RPS6KC1: variants seen among roughly 807,000 people sequenced by gnomAD.
RPS6KC1 encodes the protein inactive ribosomal protein S6 kinase delta-1.
Under a neutral mutation model 103.8 loss-of-function variants are expected in RPS6KC1, and 54 were observed. The ratio of observed to expected loss-of-function variants is 0.52; its 90% CI spans 0.42 to 0.65. The LOEUF (loss-of-function observed/expected upper bound fraction) is 0.65. Ranked by LOEUF, RPS6KC1 falls within the 30% of genes least tolerant of loss-of-function variation. The pLI, the probability that RPS6KC1 is intolerant of heterozygous loss-of-function variation, is 0.00. For missense variants in RPS6KC1, 1,151 were observed against 1,253.8 expected, an observed-to-expected ratio of 0.92 and a Z score of 1.24; for synonymous variants, 439 against 438.7, an observed-to-expected ratio of 1.00 and a Z score of -0.01.
rs537224114 is a variant in RPS6KC1, at chr1:213,273,339, G to A, written c.*705G>A. The stretch of plus-strand genomic sequence containing the variant: ...TTTCTATTTTCTGCACCCTCTGCTT[G>A]TTCCCTCATATTCTGTTCTTCCGAC... On this transcript the variant is annotated 3_prime_UTR_variant, in exon 15 of 15. Transcript: ENST00000366960. 1 of 152,634 alleles carries A rather than the reference G, an allele frequency of 6.6e-6. No individual in the cohort carries two copies. The highest frequency in any genetic ancestry group is 2.1e-4 in the South Asian group (1 of 4,804). The allele number at this position is 152,634 out of a possible 1,614,324, so 9.5% of individuals were successfully genotyped here. A position where few individuals can be genotyped will look rare whatever the true frequency, so the allele number is the denominator to read the frequency against.
chr1:213,582,809 T>C, the RPS6KC1 span, among the ~76,000 whole-genome samples: 21,916 of 152,210 alleles, frequency 0.14, 1,653 homozygotes, highest in Non-Finnish European at 0.17. Flanking sequence ...TTAAATGCAC[T>C]GTTTGATGGG....
intron 8 of RPS6KC1, among the ~76,000 whole-genome samples, chr1:213,196,324 G>C (rs1573187910): frequency 6.6e-6 from 1 of 151,738 alleles, no homozygotes; most frequent in African/African-American, 2.4e-5. Flanking sequence ...CTTTTTGATG[G>C]GATTATTTGT....
the RPS6KC1 span, among the ~76,000 whole-genome samples, chr1:213,590,993 A>T: frequency 2.6e-5 from 4 of 152,032 alleles, no homozygotes; most frequent in South Asian, 8.3e-4. Context: ...CGGGACCATA[A>T]CTGATGCTTC....
At chr1:213,578,459 T>C in the RPS6KC1 span, among the ~76,000 whole-genome samples, 1 of 152,158 alleles carries the variant, frequency 6.6e-6, no homozygotes, top group Non-Finnish European at 1.5e-5. Flanking sequence ...CAGCTTGAAC[T>C]GTGCACCTGG....
intron 6 of RPS6KC1, among the ~76,000 whole-genome samples, chr1:213,146,423 A>AT (rs1269987456): frequency 0.016 from 2,157 of 138,898 alleles, 29 homozygotes; most frequent in African/African-American, 0.035. Context: ...TGGGATTGCA[A>AT]TTTTTTTTTT....
intron 13 of RPS6KC1, 112 bp downstream of exon 13, chr1:213,261,752 CT>C: frequency 1.1e-6 from 1 of 880,978 alleles, no homozygotes; most frequent in Non-Finnish European, 1.8e-6. Flanking sequence ...GCAAGAAAAA[CT>C]TTGATATCGA....
At chr1:213,136,751 C>T (rs888791430) in intron 6 of RPS6KC1, among the ~76,000 whole-genome samples, 1 of 152,086 alleles carries the variant, frequency 6.6e-6, no homozygotes, top group Non-Finnish European at 1.5e-5. Context: ...GACTGGCATC[C>T]AGATCAAGGA....
At chr1:213,301,698 C>T in the RPS6KC1 span, among the ~76,000 whole-genome samples, 250 of 141,254 alleles carry the variant, frequency 1.8e-3, 1 homozygote, top group Middle Eastern at 3.5e-3. Flanking sequence ...GACCCATTTA[C>T]TTATTTATTT....
chr1:213,270,134 T>TA (rs2095011999), intron 14 of RPS6KC1, among the ~76,000 whole-genome samples: 2 of 152,178 alleles, frequency 1.3e-5, no homozygotes, highest in Admixed American at 6.5e-5. Context: ...TTGGAGGACT[T>TA]ACACTATCTG....
chr1:213,697,523 C>T, the RPS6KC1 span, among the ~76,000 whole-genome samples: 1 of 152,218 alleles, frequency 6.6e-6, no homozygotes, highest in Non-Finnish European at 1.5e-5. Flanking sequence ...AGATGAACTT[C>T]CATGTACTTC....
At chr1:213,771,683 TA>T in the RPS6KC1 span, among the ~76,000 whole-genome samples, 2 of 152,234 alleles carry the variant, frequency 1.3e-5, no homozygotes, top group Admixed American at 1.3e-4. Flanking sequence ...AAAACACCTT[TA>T]TATTACTTAT....
the RPS6KC1 span, among the ~76,000 whole-genome samples, chr1:213,857,021 T>C: frequency 6.6e-6 from 1 of 152,262 alleles, no homozygotes; most frequent in Non-Finnish European, 1.5e-5. Flanking sequence ...TTAACAAATA[T>C]GATCTATTGC....
the RPS6KC1 span, among the ~76,000 whole-genome samples, chr1:213,472,140 T>C: frequency 6.6e-6 from 1 of 152,226 alleles, no homozygotes. Flanking sequence ...CTTCCTTTAT[T>C]GTTACCCGAT....
chr1:213,750,466 G>A, the RPS6KC1 span, among the ~76,000 whole-genome samples: 26 of 152,332 alleles, frequency 1.7e-4, no homozygotes, highest in South Asian at 2.1e-4. Flanking sequence ...TGGAAGGGAC[G>A]TTGGGAGGTT....
chr1:213,787,068 C>T, the RPS6KC1 span, among the ~76,000 whole-genome samples: 3 of 152,146 alleles, frequency 2.0e-5, no homozygotes, highest in Non-Finnish European at 4.4e-5. Context: ...CGGCTTCTGT[C>T]CTGGATCCAC....
chr1:213,328,166 C>G, the RPS6KC1 span, among the ~76,000 whole-genome samples: 1 of 152,160 alleles, frequency 6.6e-6, no homozygotes, highest in Admixed American at 6.5e-5. Flanking sequence ...ACATCTCTAT[C>G]TGGCTTTCAA....
chr1:213,746,404 C>T, the RPS6KC1 span, among the ~76,000 whole-genome samples: 10 of 152,128 alleles, frequency 6.6e-5, no homozygotes, highest in Admixed American at 2.6e-4. Flanking sequence ...CCTGGGGTGT[C>T]TGGTGGACAC....
the RPS6KC1 span, among the ~76,000 whole-genome samples, chr1:213,592,158 G>C: frequency 6.6e-6 from 1 of 152,096 alleles, no homozygotes; most frequent in Non-Finnish European, 1.5e-5. Flanking sequence ...TGTTGGATTT[G>C]GTATTCAAAA....
chr1:213,078,457 A>G (rs1424464502), intron 3 of RPS6KC1, among the ~76,000 whole-genome samples: 1 of 152,074 alleles, frequency 6.6e-6, no homozygotes, highest in Non-Finnish European at 1.5e-5. Flanking sequence ...GCTGGAGTAT[A>G]GTGGCACGAT....
Sources: allele counts gnomAD v4.1 joint callset (sites outside exome capture counted in the v4.1 genomes callset), GRCh38; gene constraint gnomAD v4.1.1; transcripts MANE v1.5; gene names NCBI Gene and HGNC (gene_info 2026-07-23, HGNC 2026-07-21).